Variants in MCTP1 observed in about 807,000 individuals in gnomAD.
MCTP1 encodes multiple C2 and transmembrane domain-containing protein 1.
MCTP1 carries 69 observed loss-of-function variants against 120.6 expected under a neutral mutation model. The observed-to-expected ratio is 0.57, with a 90% confidence interval of 0.47 to 0.70. MCTP1 has a LOEUF of 0.70. Ranked by LOEUF, MCTP1 falls within the 30% of genes least tolerant of loss-of-function variation. The pLI, the probability that MCTP1 is intolerant of heterozygous loss-of-function variation, is 0.00. For missense variants in MCTP1, 1,203 were observed against 1,248.8 expected (o/e 0.96, Z 0.55); for synonymous variants, 529 against 493.1 (o/e 1.07, Z -0.96).
chr5:95,025,603 T>C (rs1204744512), intron 1 of MCTP1, among the ~76,000 whole-genome samples: 2 of 152,192 alleles, frequency 1.3e-5, no homozygotes, highest in African/African-American at 4.8e-5. Context: ...AGCATTCACA[T>C]CTTCTATCTC....
chr5:95,004,985 C>T (rs1834417105), intron 2 of MCTP1, among the ~76,000 whole-genome samples: 1 of 152,216 alleles, frequency 6.6e-6, no homozygotes, highest in Non-Finnish European at 1.5e-5. Flanking sequence ...CACTCAACAC[C>T]AACTGGTGAA....
chr5:94,770,479 A>G (rs1773807616), intron 19 of MCTP1, among the ~76,000 whole-genome samples: 1 of 152,188 alleles, frequency 6.6e-6, no homozygotes. Context: ...AATAACCCAA[A>G]AGGAAAGAGT....
chr5:94,948,180 C>T (rs1819582488), intron 3 of MCTP1, among the ~76,000 whole-genome samples: 1 of 152,144 alleles, frequency 6.6e-6, no homozygotes, highest in African/African-American at 2.4e-5. Context: ...CAGAAGCTAT[C>T]TTACTTAACT....
chr5:95,269,335 C>T (rs1759173377), intron 1 of MCTP1, among the ~76,000 whole-genome samples: 1 of 152,100 alleles, frequency 6.6e-6, no homozygotes, highest in East Asian at 1.9e-4. Flanking sequence ...GTTTTCCTGT[C>T]CAAAGATCAT....
intron 1 of MCTP1, among the ~76,000 whole-genome samples, chr5:95,036,459 G>A (rs1223412566): frequency 1.3e-5 from 2 of 152,208 alleles, no homozygotes; most frequent in Non-Finnish European, 1.5e-5. Flanking sequence ...TTATGAAACC[G>A]AAACAAAGAA....
chr5:94,729,346 G>C (rs1008247983), intron 19 of MCTP1, among the ~76,000 whole-genome samples: 1 of 152,146 alleles, frequency 6.6e-6, no homozygotes, highest in South Asian at 2.1e-4. Flanking sequence ...CCATGGAGCG[G>C]GTGCTTGGCA....
At chr5:95,018,010 T>C (rs1394037036) in intron 1 of MCTP1, among the ~76,000 whole-genome samples, 3 of 152,076 alleles carry the variant, frequency 2.0e-5, no homozygotes, top group Non-Finnish European at 4.4e-5. Flanking sequence ...TCACCTAGCA[T>C]TTTGGCAATA....
chr5:95,176,194 A>G (rs535350140), intron 1 of MCTP1, among the ~76,000 whole-genome samples: 1 of 152,286 alleles, frequency 6.6e-6, no homozygotes, highest in South Asian at 2.1e-4. Flanking sequence ...TTTGTTTAGT[A>G]TGCCCAGCAC....
chr5:95,168,732 T>A (rs1663645372), intron 1 of MCTP1, among the ~76,000 whole-genome samples: 1 of 152,230 alleles, frequency 6.6e-6, no homozygotes, highest in African/African-American at 2.4e-5. Flanking sequence ...TGCTTGTGAT[T>A]TTTGCACATT....
At chr5:94,843,564 G>C (rs1382079705) in intron 17 of MCTP1, among the ~76,000 whole-genome samples, 1 of 152,080 alleles carries the variant, frequency 6.6e-6, no homozygotes, top group Non-Finnish European at 1.5e-5. Context: ...CCTCAAGGTT[G>C]GTTCTAATTA....
At chr5:95,167,838 C>T (rs1386827313) in intron 1 of MCTP1, among the ~76,000 whole-genome samples, 5 of 152,154 alleles carry the variant, frequency 3.3e-5, no homozygotes, top group East Asian at 3.9e-4. Flanking sequence ...TTCTCCCATT[C>T]TGTAGGTTGC....
chr5:95,133,053 C>G (rs187192983), intron 1 of MCTP1, among the ~76,000 whole-genome samples: 1 of 152,280 alleles, frequency 6.6e-6, no homozygotes, highest in Admixed American at 6.5e-5. Context: ...AATCATCACA[C>G]TTAAGTACCT....
chr5:95,076,413 T>C (rs1219929372), intron 1 of MCTP1, among the ~76,000 whole-genome samples: 3 of 148,032 alleles, frequency 2.0e-5, no homozygotes, highest in African/African-American at 7.5e-5. Context: ...TGTTTCAGAA[T>C]TGATTTCAAG....
At chr5:94,944,739 G>A (rs1365820756) in intron 3 of MCTP1, among the ~76,000 whole-genome samples, 3 of 152,102 alleles carry the variant, frequency 2.0e-5, no homozygotes, top group African/African-American at 7.2e-5. Flanking sequence ...CATAAACATG[G>A]GAAGAAAAGG....
chr5:95,094,951 C>T (rs1417935550), intron 1 of MCTP1, among the ~76,000 whole-genome samples: 2 of 147,946 alleles, frequency 1.4e-5, no homozygotes, highest in Admixed American at 6.7e-5. Flanking sequence ...GTTTTGCTTC[C>T]TAGTGATTAC....
intron 17 of MCTP1, among the ~76,000 whole-genome samples, chr5:94,802,305 C>G (rs1181178852): frequency 6.6e-6 from 1 of 152,070 alleles, no homozygotes; most frequent in Non-Finnish European, 1.5e-5. Context: ...AACATGAACA[C>G]AGATTAACAA....
chr5:95,078,495 G>A (rs559308109), intron 1 of MCTP1, among the ~76,000 whole-genome samples: 1 of 152,248 alleles, frequency 6.6e-6, no homozygotes, highest in African/African-American at 2.4e-5. Context: ...GTTAATAAAA[G>A]CCCCCATCTT....
In MCTP1 at chr5:95,283,770, C is replaced by G; in HGVS notation, c.720+86G>C. 4.4e-6 allele frequency: 5 copies of G among 1,133,744 alleles called. No homozygotes were observed. In the South Asian group the frequency reaches 1.5e-4, roughly 34 times the overall value. The allele number at this position is 1,133,744 out of a possible 1,614,324, so 70.2% of individuals were successfully genotyped here. A position where few individuals can be genotyped will look rare whatever the true frequency, so the allele number is the denominator to read the frequency against. On this transcript the variant is annotated intron_variant, in intron 1 of 22. Transcript: ENST00000515393. ...ATTTCTCCTCCCGCCTCCCGGCCCC[C>G]GCCCCCCGCTCCCCGGGTGGTGAAC...
chr5:94,855,804 G>T (rs1794626697), intron 17 of MCTP1, among the ~76,000 whole-genome samples: 1 of 151,690 alleles, frequency 6.6e-6, no homozygotes, highest in South Asian at 2.1e-4. Context: ...AGATAAACAA[G>T]CTCTTTGTGA....
Sources: gnomAD v4.1 joint callset for allele counts (sites outside exome capture counted in the v4.1 genomes callset) on GRCh38, gnomAD v4.1.1 for gene constraint, MANE v1.5 for transcripts, NCBI Gene and HGNC (gene_info 2026-07-23, HGNC 2026-07-21) for gene names.